NINL: variants seen among roughly 807,000 people sequenced by gnomAD.
The protein encoded by NINL is ninein-like protein.
Under a neutral mutation model 160.3 loss-of-function variants are expected in NINL, and 153 were observed. That is an observed-to-expected ratio of 0.95 (90% CI 0.84 to 1.09). The LOEUF (loss-of-function observed/expected upper bound fraction) is 1.09, where lower values mean the gene tolerates loss of function less well. NINL is among the 50% of genes least tolerant of loss of function. The pLI is 0.00. For missense variants in NINL, 1,829 were observed against 1,764.0 expected (o/e 1.04, Z -0.66); for synonymous variants, 800 against 734.8 (o/e 1.09, Z -1.43).
At chr20:25,558,217 A>C (rs564205614) in intron 1 of NINL, among the ~76,000 whole-genome samples, 5 of 152,076 alleles carry the variant, frequency 3.3e-5, no homozygotes, top group African/African-American at 9.7e-5. Flanking sequence ...TTATTTCTTT[A>C]TTTATTTTGA....
rs117874210 is a variant in NINL, at chr20:25,459,568, G to A, written c.3697-1039C>T. ...TCTCAAGACGGTCACTCTGGCTGCC[G>A]CCGCCCAGGCCTGCGGGACTCCCAC... On this transcript the variant is annotated intron_variant, in intron 21 of 23. Transcript: ENST00000278886. Among the ~76,000 whole-genome samples, 1,462 of 152,208 alleles carry A rather than the reference G, an allele frequency of 9.6e-3. 7 individuals carry two copies. The highest frequency in any genetic ancestry group is 0.016 in the Non-Finnish European group (1,072 of 67,996).
rs530337451 is a variant in NINL, at chr20:25,582,366, G to A, written c.-12+3089C>T. ...TGGAGTTAAATGTTATCTGAGGTCA[G>A]GTGTGGTGGCTCATACCTGTAATCC... is the stretch of plus-strand genomic sequence containing the variant. On this transcript the variant is annotated intron_variant, in intron 1 of 23. Transcript: ENST00000278886. Among the ~76,000 whole-genome samples the A allele has an allele frequency of 9.0e-4, 137 of 152,264 alleles. 4 individuals carry two copies. In the South Asian group the frequency reaches 0.028, roughly 31 times the overall value.
chr20:25,479,800 A>G (rs963606897), intron 15 of NINL, among the ~76,000 whole-genome samples: 2 of 152,228 alleles, frequency 1.3e-5, no homozygotes, highest in African/African-American at 4.8e-5. Context: ...TGAGCTACCC[A>G]GGGGGCAAAT....
chr20:25,462,139 C>T (rs904530716), intron 20 of NINL, among the ~76,000 whole-genome samples: 4 of 152,244 alleles, frequency 2.6e-5, no homozygotes, highest in African/African-American at 9.6e-5. Context: ...TTTTGCCAAA[C>T]TGCCCTCGGG....
intron 5 of NINL, among the ~76,000 whole-genome samples, chr20:25,508,087 A>T (rs529479783): frequency 1.3e-5 from 2 of 152,222 alleles, no homozygotes; most frequent in Non-Finnish European, 1.5e-5. Flanking sequence ...GATGTAAGAC[A>T]CGGCAGCTTG....
chr20:25,566,150 G>C (rs1358842748), intron 1 of NINL, among the ~76,000 whole-genome samples: 1 of 152,178 alleles, frequency 6.6e-6, no homozygotes, highest in Non-Finnish European at 1.5e-5. Context: ...TACACAGACA[G>C]ATACCCTGTT....
intron 1 of NINL, among the ~76,000 whole-genome samples, chr20:25,531,038 GACGGCTGC>G (rs914948315): frequency 2.0e-4 from 30 of 152,156 alleles, no homozygotes; most frequent in Non-Finnish European, 3.8e-4. Context: ...AGCCACAAAA[GACGGCTGC>G]ACTCAAGGGG....
chr20:25,540,770 C>T (rs1345326580), intron 1 of NINL, among the ~76,000 whole-genome samples: 1 of 152,172 alleles, frequency 6.6e-6, no homozygotes, highest in Non-Finnish European at 1.5e-5. Context: ...AATGGCCTTG[C>T]CAGCAGGAAT....
intron 13 of NINL, among the ~76,000 whole-genome samples, chr20:25,485,376 G>T (rs976264731): frequency 2.0e-5 from 3 of 152,204 alleles, no homozygotes; most frequent in Non-Finnish European, 4.4e-5. Flanking sequence ...GGCTTAATAA[G>T]CAATCTGCAA....
chr20:25,494,919 G>T (rs1298812090), intron 10 of NINL, among the ~76,000 whole-genome samples: 2 of 152,230 alleles, frequency 1.3e-5, no homozygotes, highest in Non-Finnish European at 2.9e-5. Context: ...ACAGTGTAAG[G>T]CCAGGAGAAG....
chr20:25,461,155 C>A (rs1300261169), intron 21 of NINL, among the ~76,000 whole-genome samples: 2 of 152,200 alleles, frequency 1.3e-5, no homozygotes, highest in Non-Finnish European at 2.9e-5. Flanking sequence ...CAGTGTCATG[C>A]ATGCCCATGA....
chr20:25,501,072 G>A, intron 7 of NINL, 62 bp from the exon 8 acceptor site: 4 of 1,550,344 alleles, frequency 2.6e-6, no homozygotes, highest in Non-Finnish European at 3.5e-6. Flanking sequence ...GTGTGCTGCT[G>A]ATGTGCTCTC....
chr20:25,517,623 A>G (rs1458880515), intron 3 of NINL, 130 bp downstream of exon 3: 3 of 676,854 alleles, frequency 4.4e-6, no homozygotes, highest in African/African-American at 1.8e-5. Flanking sequence ...CCAAGTCCAT[A>G]TACCTTGGGG....
intron 17 of NINL, 23 bp downstream of exon 17, chr20:25,476,020 T>G: frequency 6.2e-7 from 1 of 1,602,130 alleles, no homozygotes; most frequent in Non-Finnish European, 8.5e-7. Flanking sequence ...GTGTTTAGTT[T>G]TAAGAATGAG....
At chr20:25,498,476 G>T in intron 8 of NINL, 130 bp from the exon 9 acceptor site, 1 of 1,222,574 alleles carries the variant, frequency 8.2e-7, no homozygotes, top group Non-Finnish European at 1.1e-6. Context: ...CCTCCTGTCT[G>T]CCAAGGTCTC....
At chr20:25,475,619 C>T (rs1363067624) in intron 17 of NINL, among the ~76,000 whole-genome samples, 1 of 151,628 alleles carries the variant, frequency 6.6e-6, no homozygotes, top group Non-Finnish European at 1.5e-5. Context: ...CGCCTGTAAT[C>T]CCAGCACTTT....
At chr20:25,498,972 C>T (rs947833938) in intron 8 of NINL, 5 of 985,366 alleles carry the variant, frequency 5.1e-6, no homozygotes, top group African/African-American at 1.7e-5. Flanking sequence ...CTCAAGGGAG[C>T]GGCAGCTAAC....
chr20:25,538,520 C>A (rs2064601178), intron 1 of NINL, among the ~76,000 whole-genome samples: 1 of 149,502 alleles, frequency 6.7e-6, no homozygotes, highest in South Asian at 2.1e-4. Flanking sequence ...AGATGGTGGG[C>A]AGCTCTCAGG....
At chr20:25,491,317 C>T in intron 11 of NINL, 34 bp downstream of exon 11, 1 of 1,579,976 alleles carries the variant, frequency 6.3e-7, no homozygotes, top group South Asian at 1.1e-5. Context: ...CAGGCACCCC[C>T]CCAGCTTCCT....
Sources: allele counts gnomAD v4.1 joint callset (sites outside exome capture counted in the v4.1 genomes callset), GRCh38; gene constraint gnomAD v4.1.1; transcripts MANE v1.5; gene names NCBI Gene and HGNC (gene_info 2026-07-23, HGNC 2026-07-21).